The following LRFN2 variants were observed in gnomAD, a reference collection of about 807,000 sequenced individuals.
LRFN2 encodes leucine-rich repeat and fibronectin type-III domain-containing protein 2.
LRFN2 carries 18 observed loss-of-function variants against 37.3 expected under a neutral mutation model. The observed-to-expected ratio is 0.48, with a 90% CI of 0.33 to 0.72. The LOEUF is 0.72. Among genes scored for constraint, LRFN2 ranks in the 30% least tolerant of loss-of-function variants. LRFN2 has a pLI of 0.02. For synonymous variants in LRFN2, 556 were observed against 466.6 expected (o/e 1.19, Z -2.47); for missense variants, 1,006 against 1,060.7 (o/e 0.95, Z 0.72).
intron 2 of LRFN2, among the ~76,000 whole-genome samples, chr6:40,421,140 A>G (rs987522174): frequency 1.3e-5 from 2 of 152,252 alleles, no homozygotes; most frequent in African/African-American, 4.8e-5. Flanking sequence ...TGAGCCACAC[A>G]TTAAGAATAA....
At chr6:40,510,570 G>A (rs1395597023) in intron 1 of LRFN2, among the ~76,000 whole-genome samples, 1 of 152,234 alleles carries the variant, frequency 6.6e-6, no homozygotes, top group African/African-American at 2.4e-5. Context: ...GCCAGACCTT[G>A]GGTTCAGTGC....
intron 1 of LRFN2, among the ~76,000 whole-genome samples, chr6:40,444,547 A>G (rs763997843): frequency 5.9e-5 from 9 of 152,158 alleles, no homozygotes; most frequent in Non-Finnish European, 1.2e-4. Context: ...TCGGGTGGGA[A>G]TGGGAGTATC....
chr6:40,429,795 C>T (rs1407757276), intron 2 of LRFN2, among the ~76,000 whole-genome samples: 2 of 152,002 alleles, frequency 1.3e-5, no homozygotes, highest in African/African-American at 4.8e-5. Context: ...CTGAATGTTC[C>T]ATAATAGGAG....
intron 1 of LRFN2, among the ~76,000 whole-genome samples, chr6:40,555,092 A>G (rs6919744): frequency 0.47 from 72,059 of 151,938 alleles, 18,104 homozygotes; most frequent in African/African-American, 0.64. Flanking sequence ...CCTGGGTAAG[A>G]TGTTCTTTTT....
chr6:40,420,993 G>C (rs892198348), intron 2 of LRFN2, among the ~76,000 whole-genome samples: 3 of 152,352 alleles, frequency 2.0e-5, no homozygotes, highest in Middle Eastern at 6.8e-3. Flanking sequence ...CTTTCTCCAA[G>C]GCTGAGGAAG....
intron 2 of LRFN2, among the ~76,000 whole-genome samples, chr6:40,427,441 G>A (rs1763379485): frequency 1.3e-5 from 2 of 152,280 alleles, no homozygotes; most frequent in South Asian, 4.2e-4. Context: ...TTTTCCAACT[G>A]GACCTGTCAC....
At chr6:40,401,049 T>C (rs1443836500) in intron 2 of LRFN2, among the ~76,000 whole-genome samples, 1 of 151,834 alleles carries the variant, frequency 6.6e-6, no homozygotes. Flanking sequence ...GGTGACTTCC[T>C]ATGTGACCTC....
At chr6:40,561,723 A>G (rs971806445) in intron 1 of LRFN2, among the ~76,000 whole-genome samples, 7 of 152,184 alleles carry the variant, frequency 4.6e-5, no homozygotes, top group Admixed American at 3.9e-4. Context: ...AGATACTAGA[A>G]AAACAGGAGC....
chr6:40,566,390 A>G (rs573094998), intron 1 of LRFN2, among the ~76,000 whole-genome samples: 38 of 152,224 alleles, frequency 2.5e-4, no homozygotes, highest in Non-Finnish European at 5.0e-4. Flanking sequence ...CTGGGTATAT[A>G]CCCAAAGGAT....
intron 1 of LRFN2, among the ~76,000 whole-genome samples, chr6:40,503,942 G>A (rs1475714311): frequency 6.6e-6 from 1 of 151,738 alleles, no homozygotes; most frequent in Non-Finnish European, 1.5e-5. Flanking sequence ...AAGGCTGGAG[G>A]AGTTATGGAA....
rs758576323 is a variant in LRFN2 at position 40,511,743 on chromosome 6, G to A, written c.-19+75198C>T. On this transcript the variant is annotated intron_variant, in intron 1 of 2. Transcript: ENST00000338305. ...AGAACCAGGTGTGGGTGCCGATGGT[G>A]TGCCAGCTCCTGGCAGGTAGAGAGG... Among the ~76,000 whole-genome samples the A allele has an allele frequency of 5.3e-5, 8 of 152,340 alleles. No individual in the cohort carries two copies. The South Asian group carries it at 1.0e-3, about 20-fold the overall frequency.
chr6:40,392,729 C>G lies in LRFN2; in HGVS notation c.1584G>C (p.Gln528His). Reference sequence around the variant, plus strand: ...CCAGGATCATGGTGCCGCCCAGAATCTGGCTGTGCATGGACTGGCACTGCG... The same window carrying G: ...CCAGGATCATGGTGCCGCCCAGAATGTGGCTGTGCATGGACTGGCACTGCG... Reference protein sequence around the residue: ...DYPQCQSMHSQILGGTMILVI... With the variant: ...DYPQCQSMHSHILGGTMILVI... The change falls in exon 3 of 3, where the codon CAG becomes CAC. Residue 528 changes from glutamine (Q) to histidine (H), a missense_variant. Transcript: ENST00000338305. This position sits in a 1 kb window ranked among gnomAD's most constrained non-coding sequence, Gnocchi z 4.7. 6.2e-7 allele frequency: 1 copy of G among 1,614,166 alleles called. No homozygotes were observed.
chr6:40,455,283 C>A (rs1230016039), intron 1 of LRFN2, among the ~76,000 whole-genome samples: 1 of 152,182 alleles, frequency 6.6e-6, no homozygotes, highest in African/African-American at 2.4e-5. Context: ...ACCACTCTAC[C>A]AAACACATCA....
chr6:40,494,143 T>A (rs1301828116), intron 1 of LRFN2, among the ~76,000 whole-genome samples: 1 of 152,154 alleles, frequency 6.6e-6, no homozygotes, highest in Non-Finnish European at 1.5e-5. Flanking sequence ...TTTGAAGTAG[T>A]TATGGATCTC....
chr6:40,449,788 G>C (rs776938156), intron 1 of LRFN2, among the ~76,000 whole-genome samples: 1 of 151,854 alleles, frequency 6.6e-6, no homozygotes, highest in African/African-American at 2.4e-5. Context: ...TTTCCCCATT[G>C]GTAACATATT....
intron 1 of LRFN2, among the ~76,000 whole-genome samples, chr6:40,560,710 G>A (rs996130038): frequency 1.3e-5 from 2 of 152,202 alleles, no homozygotes; most frequent in Non-Finnish European, 2.9e-5. Flanking sequence ...GATAGAATAG[G>A]ACAGAGCAGA....
chr6:40,524,313 T>G (rs392641), intron 1 of LRFN2, among the ~76,000 whole-genome samples: 102,527 of 150,888 alleles, frequency 0.68, 36,274 homozygotes, highest in African/African-American at 0.88. Context: ...ACAGATCACC[T>G]GGATGCCTGC....
At chr6:40,393,695 C>T (rs1001888681) in intron 2 of LRFN2, among the ~76,000 whole-genome samples, 1 of 152,170 alleles carries the variant, frequency 6.6e-6, no homozygotes, top group Non-Finnish European at 1.5e-5. Flanking sequence ...TGTGCCAGCC[C>T]ACCCCGAGGC....
intron 2 of LRFN2, among the ~76,000 whole-genome samples, chr6:40,399,438 C>CTTTTTTTTTTTT (rs71543989): frequency 3.7e-5 from 4 of 108,920 alleles, no homozygotes; most frequent in South Asian, 2.8e-4. Flanking sequence ...TTTTTTTTTT[C>CTTTTTTTTTTTT]TTTTTTTTTT....
Sources: gnomAD v4.1 joint callset for allele counts (sites outside exome capture counted in the v4.1 genomes callset) on GRCh38, gnomAD v4.1.1 for gene constraint, Gnocchi (gnomAD v3.1) non-coding constraint, MANE v1.5 for transcripts, NCBI Gene and HGNC (gene_info 2026-07-23, HGNC 2026-07-21) for gene names.